ZNF215: variants seen among roughly 807,000 people sequenced by gnomAD.
The protein encoded by ZNF215 is zinc finger protein 215.
Under a neutral mutation model 27.2 loss-of-function variants are expected in ZNF215, and 24 were observed. The ratio of observed to expected loss-of-function variants is 0.88; its 90% CI spans 0.64 to 1.24. The LOEUF (loss-of-function observed/expected upper bound fraction) is 1.24, where lower values mean the gene tolerates loss of function less well. Among genes scored for constraint, ZNF215 ranks in the 50% most tolerant of loss-of-function variants. ZNF215 has a pLI of 0.00. For missense variants in ZNF215, 675 were observed against 605.7 expected (o/e 1.11, Z -1.20); for synonymous variants, 210 against 204.0 (o/e 1.03, Z -0.25).
At chr11:6,949,842 CTTCTAGGGTTTTT>C (rs1849981456) in intron 6 of ZNF215, among the ~76,000 whole-genome samples, 1 of 148,226 alleles carries the variant, frequency 6.7e-6, no homozygotes, top group Non-Finnish European at 1.5e-5. Context: ...CCTAGGTTTT[CTTCTAGGGTTTTT>C]ATGGTTTCAG....
At chr11:6,943,422 C>T (rs2133222256) in intron 5 of ZNF215, 124 bp from the exon 6 acceptor site, 2 of 1,125,640 alleles carry the variant, frequency 1.8e-6, no homozygotes, top group Non-Finnish European at 2.6e-6. Flanking sequence ...CTATGGTGCT[C>T]TTCTGGCCTT....
At position 6,955,829 on chromosome 11, in the gene ZNF215, G is replaced by T; in HGVS notation, c.852G>T (p.Leu284Phe). The change falls in exon 7 of 7, where the codon TTG (leucine) becomes TTT (phenylalanine). Residue 284 changes from leucine to phenylalanine, a missense_variant. By Grantham distance (22) the Leu-to-Phe change is conservative. Transcript: ENST00000278319. The part of the protein sequence containing the change: ...YRNQKKWDIN[L>F]PQEAFIPETI... ...ACCAGAAAAAATGGGACATAAATTT[G>T]CCACAAGAGGCTTTCATTCCTGAGA... The T allele has an allele frequency of 2.5e-6, 4 of 1,613,624 alleles. No individual in the cohort carries two copies. The South Asian group carries it at 3.3e-5, about 13-fold the overall frequency.
intron 5 of ZNF215, among the ~76,000 whole-genome samples, chr11:6,980,290 A>C (rs1179235703): frequency 1.3e-5 from 2 of 151,856 alleles, no homozygotes; most frequent in Non-Finnish European, 2.9e-5. Flanking sequence ...TAAATGAATT[A>C]AACATATGTC....
At chr11:6,928,679 A>G (rs901669061) in intron 2 of ZNF215, among the ~76,000 whole-genome samples, 15 of 152,204 alleles carry the variant, frequency 9.9e-5, no homozygotes, top group Admixed American at 9.8e-4. Flanking sequence ...ACTTTTTAGT[A>G]TAAAGCCTTT....
At chr11:6,973,366 T>G (rs1427858647) in intron 5 of ZNF215, among the ~76,000 whole-genome samples, 2 of 152,284 alleles carry the variant, frequency 1.3e-5, no homozygotes, top group East Asian at 3.9e-4. Context: ...TACGTGTGCA[T>G]GTGTCTTTAT....
chr11:6,959,736 CAA>C (rs1179140705), downstream of ZNF215, among the ~76,000 whole-genome samples: 3 of 152,062 alleles, frequency 2.0e-5, no homozygotes, highest in Admixed American at 2.0e-4. Context: ...ATTTATTTCA[CAA>C]AGTGATTATA....
In ZNF215 at chr11:6,957,539, A is replaced by G. The variant is rs1207300942; in HGVS notation, c.*1008A>G. On this transcript the variant is annotated 3_prime_UTR_variant, in exon 7 of 7. Coordinates refer to ENST00000278319, the MANE Select transcript of ZNF215 (RefSeq NM_013250.4). The stretch of plus-strand genomic sequence containing the variant: ...TTATTAATCCGTCTTAAATGTGTAT[A>G]TAGCTCAGATTTATTTTAATGTCTG... 6.2e-6 allele frequency: 1 copy of G among 160,732 alleles called. No homozygotes were observed. Among genetic ancestry groups the G allele is most frequent in the Non-Finnish European group, 1.3e-5 (1 of 75,806 alleles). 10.0% of individuals were successfully genotyped at this position (160,732 alleles called of 1,614,324 possible).
downstream of ZNF215, among the ~76,000 whole-genome samples, chr11:6,986,697 T>C (rs945401683): frequency 6.6e-6 from 1 of 151,316 alleles, no homozygotes; most frequent in African/African-American, 2.5e-5. Context: ...GCAAAGGACA[T>C]GAACAGACAC....
chr11:6,942,755 A>G (rs898023269), intron 4 of ZNF215, among the ~76,000 whole-genome samples: 13 of 152,150 alleles, frequency 8.5e-5, no homozygotes, highest in African/African-American at 3.1e-4. Flanking sequence ...CTTTTAGGTA[A>G]ATTATTTGTA....
At chr11:6,966,151 A>C (rs1446667809) in intron 5 of ZNF215, among the ~76,000 whole-genome samples, 1 of 152,110 alleles carries the variant, frequency 6.6e-6, no homozygotes, top group African/African-American at 2.4e-5. Context: ...GTCTTTCAAG[A>C]ATATACCATT....
rs780814880 is a variant in ZNF215 at position 6,945,676 on chromosome 11, T to TTTC, written c.712+2036_712+2038dup. Among the ~76,000 whole-genome samples the TTTC allele has an allele frequency of 7.2e-5, 11 of 152,210 alleles. 1 individual carries two copies. The East Asian group carries it at 2.1e-3, about 29-fold the overall frequency. ...TTTAGGTTCTCGTAATACTTCTGAT[T>TTTC]TTCCTCTTTGGTTGGCTATTCTATC... On this transcript the variant is annotated intron_variant, in intron 6 of 6. Coordinates refer to ENST00000278319, the MANE Select transcript of ZNF215 (RefSeq NM_013250.4).
intron 5 of ZNF215, among the ~76,000 whole-genome samples, chr11:6,965,195 C>T (rs7117376): frequency 0.32 from 48,375 of 151,834 alleles, 7,809 homozygotes; most frequent in Non-Finnish European, 0.35. Flanking sequence ...TCAGTAAAGG[C>T]ATATTGAACA....
chr11:6,971,545 G>T (rs1358688168), intron 5 of ZNF215, among the ~76,000 whole-genome samples: 1 of 152,128 alleles, frequency 6.6e-6, no homozygotes, highest in African/African-American at 2.4e-5. Flanking sequence ...ACTAATAAAT[G>T]CCTATCATAG....
intron 5 of ZNF215, among the ~76,000 whole-genome samples, chr11:6,968,143 T>G (rs529265995): frequency 7.2e-5 from 11 of 152,320 alleles, no homozygotes; most frequent in African/African-American, 2.6e-4. Context: ...CATTGGTCTA[T>G]ATATCTGTTT....
intron 6 of ZNF215, among the ~76,000 whole-genome samples, chr11:6,952,693 G>T (rs1433700342): frequency 6.6e-6 from 1 of 152,094 alleles, no homozygotes; most frequent in Non-Finnish European, 1.5e-5. Context: ...TATCCAATTT[G>T]CCAGTCCGTG....
intron 6 of ZNF215, among the ~76,000 whole-genome samples, chr11:6,949,371 T>C (rs1377243736): frequency 6.6e-6 from 1 of 152,170 alleles, no homozygotes; most frequent in East Asian, 1.9e-4. Context: ...ACCAACAGTA[T>C]AAAAGTGTTC....
chr11:6,982,568 C>T (rs1341407980), intron 5 of ZNF215, among the ~76,000 whole-genome samples: 1 of 152,132 alleles, frequency 6.6e-6, no homozygotes, highest in Non-Finnish European at 1.5e-5. Context: ...TCTCAGACCA[C>T]AATGCAATCA....
At chr11:6,977,686 G>A (rs1256579961) in intron 5 of ZNF215, among the ~76,000 whole-genome samples, 1 of 151,932 alleles carries the variant, frequency 6.6e-6, no homozygotes, top group Non-Finnish European at 1.5e-5. Flanking sequence ...CAAACCTGCT[G>A]ACACCTGGAT....
At chr11:6,960,777 C>T (rs1850500194), downstream of ZNF215, among the ~76,000 whole-genome samples, 1 of 152,130 alleles carries the variant, frequency 6.6e-6, no homozygotes, top group South Asian at 2.1e-4. Context: ...CTTTTACCAT[C>T]ATCTCCAGCC....
Sources: gnomAD v4.1 joint callset for allele counts (sites outside exome capture counted in the v4.1 genomes callset) on GRCh38, gnomAD v4.1.1 for gene constraint, MANE v1.5 for transcripts, NCBI Gene and HGNC (gene_info 2026-07-23, HGNC 2026-07-21) for gene names.